Variants in ETS1 observed in about 807,000 individuals in gnomAD.
ETS1 encodes the protein protein C-ets-1.
In ETS1, 15 loss-of-function variants were observed where a neutral mutation model predicts 58.6. That is an observed-to-expected ratio of 0.26 (90% CI 0.17 to 0.39). The LOEUF (loss-of-function observed/expected upper bound fraction) is 0.39, where lower values mean the gene tolerates loss of function less well. ETS1 is among the 10% of genes least tolerant of loss of function. The pLI is 1.00. For missense variants in ETS1, 417 were observed against 610.5 expected (o/e 0.68, Z 3.34); for synonymous variants, 214 against 218.2 (o/e 0.98, Z 0.17).
In ETS1 at chr11:128,463,678, C is replaced by G; in HGVS notation, c.1124-51G>C. ...ATTACACCAGATATTCAGCACTCTA[C>G]GCAGCTAATCCCCACACACGGCACT... On this transcript the variant is annotated intron_variant, in intron 8 of 9. Transcript: ENST00000392668. The surrounding 1 kb of genome is among the most constrained non-coding windows in gnomAD (Gnocchi z 4.1). 1.0e-6 allele frequency: 1 copy of G among 1,003,626 alleles called. No homozygotes were observed. 62.2% of individuals were successfully genotyped at this position (1,003,626 alleles called of 1,614,324 possible).
intron 3 of ETS1, among the ~76,000 whole-genome samples, chr11:128,546,585 T>G (rs930953101): frequency 3.3e-5 from 5 of 152,246 alleles, no homozygotes; most frequent in Admixed American, 6.5e-5. Flanking sequence ...GTTGTTATAC[T>G]GTATTGTTTA....
At position 128,459,926 on chromosome 11, in the gene ETS1, T is replaced by C. The variant is rs959295520; in HGVS notation, c.*2435A>G. 2 of 152,338 alleles carry C rather than the reference T, an allele frequency of 1.3e-5. No homozygotes were observed. The highest frequency in any genetic ancestry group is 4.8e-5 in the African/African-American group (2 of 41,442). The allele number at this position is 152,338 out of a possible 1,614,324, so 9.4% of individuals were successfully genotyped here. On this transcript the variant is annotated 3_prime_UTR_variant, in exon 10 of 10. Transcript: ENST00000392668. ...AATTTAATAGGAACGGTGGATGATT[T>C]GAGAAAGTGATTTTATGCCTGGTTG...
At chr11:128,500,956 T>C (rs951157543) in intron 3 of ETS1, among the ~76,000 whole-genome samples, 10 of 152,232 alleles carry the variant, frequency 6.6e-5, no homozygotes, top group South Asian at 4.1e-4. Flanking sequence ...TAAGCCAAAA[T>C]GATTATTTAA....
chr11:128,501,044 A>T (rs1863076356), intron 3 of ETS1, among the ~76,000 whole-genome samples: 1 of 152,182 alleles, frequency 6.6e-6, no homozygotes, highest in African/African-American at 2.4e-5. Context: ...TTGTTGAGAG[A>T]TCAGCAGCAC....
chr11:128,516,740 GA>G (rs1002432283), intron 3 of ETS1, among the ~76,000 whole-genome samples: 1 of 152,124 alleles, frequency 6.6e-6, no homozygotes, highest in African/African-American at 2.4e-5. Flanking sequence ...AATTTTAGGG[GA>G]AAAAACGAAA....
chr11:128,537,542 C>T (rs1243741232), intron 3 of ETS1, among the ~76,000 whole-genome samples: 2 of 152,134 alleles, frequency 1.3e-5, no homozygotes, highest in Admixed American at 1.3e-4. Flanking sequence ...CAGCTCCCTA[C>T]CCCTGGGAAC....
chr11:128,516,574 T>C (rs192412447), intron 3 of ETS1, among the ~76,000 whole-genome samples: 2 of 152,284 alleles, frequency 1.3e-5, no homozygotes, highest in East Asian at 3.9e-4. Context: ...ACCAATGCCT[T>C]AACCTTAAAC....
At chr11:128,571,743 T>C (rs2135579479) in intron 2 of ETS1, 1 of 151,826 alleles carries the variant, frequency 6.6e-6, no homozygotes, top group African/African-American at 2.4e-5. Flanking sequence ...ATAATAATAA[T>C]ATAATAAACT....
chr11:128,503,947 C>G (rs192849825), intron 3 of ETS1, among the ~76,000 whole-genome samples: 1 of 152,278 alleles, frequency 6.6e-6, no homozygotes, highest in African/African-American at 2.4e-5. Context: ...CACCAAAAAC[C>G]GATGGTGCCG....
chr11:128,543,298 T>C (rs1864083606), intron 3 of ETS1, among the ~76,000 whole-genome samples: 1 of 152,140 alleles, frequency 6.6e-6, no homozygotes, highest in African/African-American at 2.4e-5. Flanking sequence ...TACTAGTTCA[T>C]AGCCAGGAAG....
intron 3 of ETS1, chr11:128,521,999 C>A: frequency 6.3e-7 from 1 of 1,588,938 alleles, no homozygotes; most frequent in South Asian, 1.1e-5. Context: ...CTTCATGGTG[C>A]CAGGAGTGGG....
intron 3 of ETS1, chr11:128,505,218 T>A (rs1451462192): frequency 6.6e-6 from 1 of 152,206 alleles, no homozygotes; most frequent in African/African-American, 2.4e-5. Flanking sequence ...GTATTCCAAA[T>A]AGGGTCACTG....
At chr11:128,562,415 G>A (rs1017427347) in intron 2 of ETS1, among the ~76,000 whole-genome samples, 1 of 151,898 alleles carries the variant, frequency 6.6e-6, no homozygotes, top group Non-Finnish European at 1.5e-5. Context: ...TCTCAAAAAA[G>A]AAAAAAGAAA....
At chr11:128,480,092 T>G in intron 8 of ETS1, 99 bp downstream of exon 8, 1 of 1,479,544 alleles carries the variant, frequency 6.8e-7, no homozygotes, top group Non-Finnish European at 9.1e-7. Flanking sequence ...CAAAAGGGAG[T>G]CTCTCGTCGT....
chr11:128,481,826 A>G (rs1230749627), intron 7 of ETS1, among the ~76,000 whole-genome samples: 1 of 152,242 alleles, frequency 6.6e-6, no homozygotes, highest in Non-Finnish European at 1.5e-5. Context: ...GTTGCTCCCA[A>G]CATTGTTTAA....
intron 3 of ETS1, among the ~76,000 whole-genome samples, chr11:128,524,009 A>G (rs911468109): frequency 6.6e-6 from 1 of 152,200 alleles, no homozygotes; most frequent in African/African-American, 2.4e-5. Context: ...GCTTTGGGGA[A>G]TTTTGTTTTG....
intron 8 of ETS1, among the ~76,000 whole-genome samples, chr11:128,478,382 A>G (rs1862387351): frequency 4.5e-5 from 1 of 22,316 alleles, no homozygotes; most frequent in Admixed American, 5.3e-4. Flanking sequence ...GGAGGGAGGG[A>G]GGAAGGGAGG....
intron 7 of ETS1, among the ~76,000 whole-genome samples, chr11:128,482,535 G>A (rs1381822399): frequency 6.6e-6 from 1 of 152,202 alleles, no homozygotes; most frequent in East Asian, 1.9e-4. Context: ...ACTAAGCAAG[G>A]GGACTAAACC....
rs905177296 is a variant in ETS1, at chr11:128,462,292, T to C, written c.*69A>G. The C allele has an allele frequency of 2.0e-5, 25 of 1,239,934 alleles. No homozygotes were observed. The highest frequency in any genetic ancestry group is 2.9e-5 in the Non-Finnish European group (25 of 863,366). The allele number at this position is 1,239,934 out of a possible 1,614,324, so 76.8% of individuals were successfully genotyped here. A position where few individuals can be genotyped will look rare whatever the true frequency, so the allele number is the denominator to read the frequency against. ...TAAAAAATAGAATAACAATTCAAAATTCAGAGTCCAACCAACACGGCTGTC... is the reference window on the plus strand; with the variant it reads ...TAAAAAATAGAATAACAATTCAAAACTCAGAGTCCAACCAACACGGCTGTC... On this transcript the variant is annotated 3_prime_UTR_variant, in exon 10 of 10. Coordinates refer to ENST00000392668, the MANE Select transcript of ETS1 (RefSeq NM_001143820.2).
Sources: gnomAD v4.1 joint callset for allele counts (sites outside exome capture counted in the v4.1 genomes callset) on GRCh38, gnomAD v4.1.1 for gene constraint, Gnocchi (gnomAD v3.1) non-coding constraint, MANE v1.5 for transcripts, NCBI Gene and HGNC (gene_info 2026-07-23, HGNC 2026-07-21) for gene names.